PAK1: variants seen among roughly 807,000 people sequenced by gnomAD.
The protein encoded by PAK1 is p21 (RAC1) activated kinase 1, also known as serine/threonine-protein kinase PAK 1.
In PAK1, 29 loss-of-function variants were observed where a neutral mutation model predicts 67.4. That is an observed-to-expected ratio of 0.43 (90% CI 0.32 to 0.59). The LOEUF is 0.59. Among genes scored for constraint, PAK1 ranks in the 20% least tolerant of loss-of-function variants. PAK1 has a pLI of 0.07. For synonymous variants in PAK1, 223 were observed against 237.4 expected (o/e 0.94, Z 0.56); for missense variants, 337 against 670.7 (o/e 0.50, Z 5.50).
At chr11:77,475,230 C>G (rs969361155), upstream of PAK1, 1 of 152,210 alleles carries the variant, frequency 6.6e-6, no homozygotes, top group African/African-American at 2.4e-5. Context: ...TTCTTCCTCT[C>G]TCAACATCCA....
the PAK1 span, among the ~76,000 whole-genome samples, chr11:77,496,793 C>T: frequency 5.9e-5 from 9 of 151,996 alleles, no homozygotes; most frequent in East Asian, 1.9e-4. Context: ...ATTAGCCTGG[C>T]GTGATGGTGA....
At chr11:77,521,385 C>T in the PAK1 span, among the ~76,000 whole-genome samples, 4,940 of 152,114 alleles carry the variant, frequency 0.032, 108 homozygotes, top group African/African-American at 0.073. Context: ...CAAAATTAGC[C>T]GGGCATGGTG....
At chr11:77,458,085 T>C (rs190519636) in intron 1 of PAK1, among the ~76,000 whole-genome samples, 1 of 152,330 alleles carries the variant, frequency 6.6e-6, no homozygotes, top group Admixed American at 6.5e-5. Flanking sequence ...TAGAGGGGAT[T>C]CTTGTTATGT....
intron 5 of PAK1, among the ~76,000 whole-genome samples, chr11:77,373,786 C>A (rs1948747652): frequency 6.6e-6 from 1 of 152,162 alleles, no homozygotes; most frequent in Non-Finnish European, 1.5e-5. Context: ...ATTACAACTT[C>A]AGAGGACAGA....
intron 9 of PAK1, among the ~76,000 whole-genome samples, chr11:77,348,143 G>A (rs965084727): frequency 3.3e-5 from 5 of 152,268 alleles, no homozygotes; most frequent in South Asian, 2.1e-4. Flanking sequence ...AGGGTGCCAC[G>A]TGGTTTCAAC....
chr11:77,448,006 C>T (rs1421436028), intron 1 of PAK1, among the ~76,000 whole-genome samples: 1 of 152,198 alleles, frequency 6.6e-6, no homozygotes, highest in African/African-American at 2.4e-5. Flanking sequence ...CATCTACATA[C>T]TCAATTTGTG....
the PAK1 span, among the ~76,000 whole-genome samples, chr11:77,495,611 C>T: frequency 1.4e-3 from 209 of 152,292 alleles, 1 homozygote; most frequent in African/African-American, 4.9e-3. Context: ...CAGCATTATT[C>T]ACAATTGCCA....
intron 12 of PAK1, 95 bp from the exon 13 acceptor site, chr11:77,336,377 C>T (rs776837231): frequency 8.6e-5 from 76 of 880,000 alleles, no homozygotes; most frequent in Non-Finnish European, 1.1e-4. Context: ...TGACAAGATC[C>T]GCCTGGCTTC....
At chr11:77,501,273 T>C in the PAK1 span, among the ~76,000 whole-genome samples, 85 of 152,334 alleles carry the variant, frequency 5.6e-4, no homozygotes, top group African/African-American at 2.0e-3. Flanking sequence ...TTCACATCCA[T>C]AGCAAAGCAA....
At chr11:77,325,386 T>C (rs758820810) in intron 14 of PAK1, 41 of 1,612,912 alleles carry the variant, frequency 2.5e-5, no homozygotes, top group Non-Finnish European at 3.3e-5. Flanking sequence ...CCTGTAAAAA[T>C]GAGAATAGAA....
chr11:77,518,300 T>G, the PAK1 span, among the ~76,000 whole-genome samples: 2 of 152,294 alleles, frequency 1.3e-5, no homozygotes, highest in East Asian at 3.9e-4. Flanking sequence ...TGGGGTCACC[T>G]GGAGAAGCAT....
chr11:77,329,507 G>A (rs1461793540), intron 14 of PAK1, among the ~76,000 whole-genome samples: 2 of 152,028 alleles, frequency 1.3e-5, no homozygotes, highest in Admixed American at 6.6e-5. Flanking sequence ...GTAATCCAAG[G>A]TATAAACAGA....
intron 1 of PAK1, among the ~76,000 whole-genome samples, chr11:77,444,357 G>C (rs895973160): frequency 6.6e-6 from 1 of 150,716 alleles, no homozygotes; most frequent in Non-Finnish European, 1.5e-5. Flanking sequence ...TAACTTATTT[G>C]GTCCAGGGTG....
chr11:77,383,767 G>A (rs1186232153), intron 2 of PAK1, among the ~76,000 whole-genome samples: 1 of 152,126 alleles, frequency 6.6e-6, no homozygotes, highest in East Asian at 1.9e-4. Flanking sequence ...ATCCCTTCTT[G>A]GAAGTAACAA....
intron 13 of PAK1, among the ~76,000 whole-genome samples, chr11:77,334,804 C>T (rs1303829504): frequency 6.6e-6 from 1 of 152,100 alleles, no homozygotes; most frequent in Non-Finnish European, 1.5e-5. Flanking sequence ...TTTTGTTACC[C>T]TTCCCAGCAA....
In PAK1 at chr11:77,448,740, C is replaced by A. The variant is rs527924728; in HGVS notation, c.-22+24812G>T. Among the ~76,000 whole-genome samples the A allele has an allele frequency of 2.6e-5, 4 of 152,220 alleles. No homozygotes were observed. In the South Asian group the frequency reaches 8.3e-4, roughly 32 times the overall value. On this transcript the variant is annotated intron_variant, in intron 1 of 14. Coordinates refer to ENST00000356341, the MANE Select transcript of PAK1 (RefSeq NM_002576.5). Reference sequence around the variant, plus strand: ...CAAAGAAGTGATAGGTTATACAGAACCAGAAATAAGATTAGCATGAGGAAG... The same window carrying A: ...CAAAGAAGTGATAGGTTATACAGAAACAGAAATAAGATTAGCATGAGGAAG...
At chr11:77,359,781 T>C (rs1946533868) in intron 5 of PAK1, among the ~76,000 whole-genome samples, 1 of 152,158 alleles carries the variant, frequency 6.6e-6, no homozygotes, top group South Asian at 2.1e-4. Context: ...AAAAATAGCA[T>C]ACCATTACTG....
intron 2 of PAK1, among the ~76,000 whole-genome samples, chr11:77,384,016 C>A (rs1249495910): frequency 1.3e-5 from 2 of 152,170 alleles, no homozygotes; most frequent in African/African-American, 4.8e-5. Context: ...ATGGTGCATG[C>A]TCTGTGTACA....
intron 1 of PAK1, among the ~76,000 whole-genome samples, chr11:77,460,456 G>C (rs1488734715): frequency 4.6e-5 from 7 of 151,542 alleles, no homozygotes; most frequent in Admixed American, 4.6e-4. Context: ...TAAGGTACTC[G>C]AAGTAGAAGT....
Sources: gnomAD v4.1 joint callset for allele counts (sites outside exome capture counted in the v4.1 genomes callset) on GRCh38, gnomAD v4.1.1 for gene constraint, MANE v1.5 for transcripts, NCBI Gene and HGNC (gene_info 2026-07-23, HGNC 2026-07-21) for gene names.